SV2C: variants seen among roughly 807,000 people sequenced by gnomAD.
The protein encoded by SV2C is synaptic vesicle glycoprotein 2C.
A neutral mutation model predicts 79.7 loss-of-function variants in SV2C; 49 were observed. The observed-to-expected ratio is 0.61, with a 90% CI of 0.49 to 0.78. The LOEUF (loss-of-function observed/expected upper bound fraction) is 0.78, where lower values mean the gene tolerates loss of function less well. Ranked by LOEUF, SV2C falls within the 30% of genes least tolerant of loss-of-function variation. The pLI is 0.00. For missense variants in SV2C, 833 were observed against 912.9 expected, an observed-to-expected ratio of 0.91 and a Z score of 1.13; for synonymous variants, 334 against 333.2, an observed-to-expected ratio of 1.00 and a Z score of -0.03.
the SV2C span, among the ~76,000 whole-genome samples, chr5:75,918,108 T>C: frequency 6.6e-6 from 1 of 152,336 alleles, no homozygotes; most frequent in Non-Finnish European, 1.5e-5. Flanking sequence ...GCCTGGCAAA[T>C]AGTTAAATCC....
upstream of SV2C, among the ~76,000 whole-genome samples, chr5:76,080,026 A>AT (rs1746961503): frequency 6.6e-6 from 1 of 151,668 alleles, no homozygotes; most frequent in African/African-American, 2.4e-5. Flanking sequence ...CTAGAATGTG[A>AT]TTTTTGTTAC....
At chr5:76,003,682 G>T in the SV2C span, among the ~76,000 whole-genome samples, 1 of 152,060 alleles carries the variant, frequency 6.6e-6, no homozygotes, top group South Asian at 2.1e-4. Flanking sequence ...TAAGTAATGA[G>T]CCCTTCAAAC....
the SV2C span, among the ~76,000 whole-genome samples, chr5:75,972,349 C>T: frequency 1.3e-5 from 2 of 152,020 alleles, no homozygotes; most frequent in Non-Finnish European, 2.9e-5. Context: ...AACTAAAGAG[C>T]TTCTGCACAG....
At chr5:76,084,052 G>C (rs1203052594) in intron 1 of SV2C, 7 of 152,250 alleles carry the variant, frequency 4.6e-5, no homozygotes, top group African/African-American at 1.7e-4. Context: ...GAGCCTGAAA[G>C]AAACACCATG....
the SV2C span, chr5:75,911,146 G>A: frequency 2.5e-6 from 4 of 1,585,536 alleles, no homozygotes; most frequent in Non-Finnish European, 3.5e-6. Flanking sequence ...AGAGAAGGAA[G>A]GATCTGAAGC....
At chr5:75,934,347 C>T in the SV2C span, among the ~76,000 whole-genome samples, 4 of 126,096 alleles carry the variant, frequency 3.2e-5, no homozygotes, top group East Asian at 2.5e-4. Context: ...AGTGCAATGG[C>T]GCGATCTCGG....
At chr5:76,026,037 C>A in the SV2C span, among the ~76,000 whole-genome samples, 1 of 152,104 alleles carries the variant, frequency 6.6e-6, no homozygotes, top group Non-Finnish European at 1.5e-5. Context: ...CTTTATAAGG[C>A]ATCCTATCCA....
chr5:76,158,722 A>G (rs10066725), intron 2 of SV2C, among the ~76,000 whole-genome samples: 69,644 of 151,824 alleles, frequency 0.46, 16,256 homozygotes, highest in South Asian at 0.53. Context: ...TCAGAACACT[A>G]TGAATAATTA....
intron 4 of SV2C, among the ~76,000 whole-genome samples, chr5:76,271,616 C>CTTTTTTTTTTTTTTTTTTTTTTTTTTT (rs34458409): frequency 2.1e-5 from 2 of 96,064 alleles, no homozygotes; most frequent in Non-Finnish European, 2.0e-5. Context: ...AGCATGTGTT[C>CTTTTTTTTTTTTTTTTTTTTTTTTTTT]TTTTTTTTTT....
chr5:75,878,136 A>T, the SV2C span, among the ~76,000 whole-genome samples: 1 of 152,184 alleles, frequency 6.6e-6, no homozygotes, highest in Non-Finnish European at 1.5e-5. Context: ...AATATTTAAT[A>T]AAGTGAGAAA....
the SV2C span, among the ~76,000 whole-genome samples, chr5:76,063,423 T>C: frequency 6.6e-6 from 1 of 152,146 alleles, no homozygotes; most frequent in East Asian, 1.9e-4. Context: ...CTGCAGCTAT[T>C]TACTGGTAAA....
chr5:76,326,799 C>T lies in SV2C; in HGVS notation c.*1252C>T, dbSNP rs747814270. ...ATTTTACCTCTGGAATCTGCCTGGGCTTGGAAGAAAGAGGTCAGCCAGGAC... is the reference window on the plus strand; with the variant it reads ...ATTTTACCTCTGGAATCTGCCTGGGTTTGGAAGAAAGAGGTCAGCCAGGAC... On this transcript the variant is annotated 3_prime_UTR_variant, in exon 13 of 13. Coordinates refer to ENST00000502798, the MANE Select transcript of SV2C (RefSeq NM_014979.4). 1 of 152,382 alleles carries T rather than the reference C, an allele frequency of 6.6e-6. No homozygotes were observed. The highest frequency in any genetic ancestry group is 2.4e-5 in the African/African-American group (1 of 41,566). 9.4% of individuals were successfully genotyped at this position (152,382 alleles called of 1,614,324 possible).
At chr5:76,210,106 G>A (rs1057148766) in intron 4 of SV2C, among the ~76,000 whole-genome samples, 2 of 152,180 alleles carry the variant, frequency 1.3e-5, no homozygotes, top group African/African-American at 4.8e-5. Context: ...GTAATGGGGG[G>A]AAAATATTTT....
At chr5:76,022,904 TTAA>T in the SV2C span, among the ~76,000 whole-genome samples, 1 of 152,230 alleles carries the variant, frequency 6.6e-6, no homozygotes, top group African/African-American at 2.4e-5. Flanking sequence ...CATAGCAATT[TTAA>T]TAATGTCTGT....
chr5:75,923,606 A>G, the SV2C span, among the ~76,000 whole-genome samples: 1 of 152,218 alleles, frequency 6.6e-6, no homozygotes, highest in South Asian at 2.1e-4. Flanking sequence ...GGCAAATGAC[A>G]TAAATAGACA....
At chr5:76,238,123 T>C (rs1006052686) in intron 4 of SV2C, among the ~76,000 whole-genome samples, 3 of 152,114 alleles carry the variant, frequency 2.0e-5, no homozygotes, top group Non-Finnish European at 4.4e-5. Context: ...GGAATGTCCG[T>C]CTAATGGGTG....
chr5:76,116,026 G>T (rs1449154161), intron 1 of SV2C, among the ~76,000 whole-genome samples: 1 of 152,194 alleles, frequency 6.6e-6, no homozygotes, highest in African/African-American at 2.4e-5. Flanking sequence ...CCTCTGCTCA[G>T]TCTCCTACCT....
At chr5:76,130,136 C>T (rs775392772) in intron 1 of SV2C, among the ~76,000 whole-genome samples, 20 of 114,604 alleles carry the variant, frequency 1.7e-4, no homozygotes, top group Non-Finnish European at 2.9e-4. Flanking sequence ...TTCTCTTCCT[C>T]TCAGTTCTTA....
At chr5:76,130,023 AC>A (rs1204187025) in intron 1 of SV2C, among the ~76,000 whole-genome samples, 1 of 151,732 alleles carries the variant, frequency 6.6e-6, no homozygotes, top group Non-Finnish European at 1.5e-5. Flanking sequence ...CTTTTCCCTG[AC>A]TTCTTGAGTT....
Sources: gnomAD v4.1 joint callset for allele counts (sites outside exome capture counted in the v4.1 genomes callset) on GRCh38, gnomAD v4.1.1 for gene constraint, MANE v1.5 for transcripts, NCBI Gene and HGNC (gene_info 2026-07-23, HGNC 2026-07-21) for gene names.